Variants in RAPGEF2 observed in about 807,000 individuals in gnomAD.
RAPGEF2 encodes the protein PDZ domain containing guanine nucleotide exchange factor (GEF) 1.
RAPGEF2 carries 54 observed loss-of-function variants against 186.7 expected under a neutral mutation model. That is an observed-to-expected ratio of 0.29 (90% confidence interval 0.23 to 0.36). The LOEUF (loss-of-function observed/expected upper bound fraction) is 0.36, where lower values mean the gene tolerates loss of function less well. Ranked by LOEUF, RAPGEF2 falls within the 10% of genes least tolerant of loss-of-function variation. The pLI is 1.00. For synonymous variants in RAPGEF2, 712 were observed against 705.9 expected (o/e 1.01, Z -0.14); for missense variants, 1,532 against 2,045.0 (o/e 0.75, Z 4.84).
chr4:159,202,442 C>T (rs1157301686), intron 3 of RAPGEF2, among the ~76,000 whole-genome samples: 2 of 152,146 alleles, frequency 1.3e-5, no homozygotes, highest in Admixed American at 1.3e-4. Flanking sequence ...GAAAACCCCC[C>T]AAAACTTAGA....
intron 7 of RAPGEF2, among the ~76,000 whole-genome samples, chr4:159,292,579 C>T (rs2110967217): frequency 6.6e-6 from 1 of 152,264 alleles, no homozygotes; most frequent in Middle Eastern, 3.4e-3. Context: ...GTTTTGAGTA[C>T]ATCCACCCTT....
At chr4:159,291,410 C>T (rs189333490) in intron 7 of RAPGEF2, among the ~76,000 whole-genome samples, 4 of 152,294 alleles carry the variant, frequency 2.6e-5, no homozygotes, top group African/African-American at 7.2e-5. Context: ...ATCCTCCCAC[C>T]TCAGCCTCCT....
At chr4:159,260,556 A>G (rs930507570) in intron 7 of RAPGEF2, among the ~76,000 whole-genome samples, 2 of 152,096 alleles carry the variant, frequency 1.3e-5, no homozygotes, top group African/African-American at 4.8e-5. Flanking sequence ...TGGCTGAACT[A>G]CTTAATGCAG....
intron 9 of RAPGEF2, among the ~76,000 whole-genome samples, chr4:159,316,724 G>C (rs1764654664): frequency 6.6e-6 from 1 of 152,128 alleles, no homozygotes. Flanking sequence ...TCATTGATGG[G>C]AATTTAGGTT....
chr4:159,345,029 T>G, intron 23 of RAPGEF2, 77 bp from the exon 24 acceptor site: 1 of 1,174,388 alleles, frequency 8.5e-7, no homozygotes, highest in Admixed American at 1.8e-5. Flanking sequence ...ACTATTAATA[T>G]CAGTCTTGGC....
chr4:159,303,862 A>G (rs1033373055), intron 7 of RAPGEF2, among the ~76,000 whole-genome samples: 14 of 152,292 alleles, frequency 9.2e-5, no homozygotes, highest in African/African-American at 2.6e-4. Flanking sequence ...AGAGCCTAGT[A>G]CAGTTGCTTA....
At chr4:159,126,524 C>G (rs1740314950) in intron 1 of RAPGEF2, among the ~76,000 whole-genome samples, 1 of 144,148 alleles carries the variant, frequency 6.9e-6, no homozygotes, top group Non-Finnish European at 1.5e-5. Context: ...ATCTCCTGTC[C>G]AGGTTTTAAA....
intron 4 of RAPGEF2, among the ~76,000 whole-genome samples, chr4:159,213,407 C>T (rs943742265): frequency 2.6e-5 from 4 of 152,330 alleles, no homozygotes; most frequent in East Asian, 3.9e-4. Flanking sequence ...AATTGGTTAT[C>T]AGTATATAAT....
intron 17 of RAPGEF2, 112 bp from the exon 18 acceptor site, chr4:159,338,199 C>G: frequency 5.5e-6 from 5 of 912,338 alleles, no homozygotes; most frequent in Non-Finnish European, 7.9e-6. Context: ...GGTGTTTTTA[C>G]ATGAGCTGCA....
At chr4:159,216,407 G>A (rs1750997938) in intron 4 of RAPGEF2, among the ~76,000 whole-genome samples, 1 of 152,084 alleles carries the variant, frequency 6.6e-6, no homozygotes, top group Non-Finnish European at 1.5e-5. Context: ...GGCTTTTAAG[G>A]GGGTATTTTC....
intron 25 of RAPGEF2, among the ~76,000 whole-genome samples, chr4:159,348,266 G>A (rs572641152): frequency 6.6e-6 from 1 of 151,154 alleles, no homozygotes; most frequent in African/African-American, 2.5e-5. Context: ...ATGGATGGAT[G>A]GATGGATGGA....
chr4:159,184,875 G>A (rs1261309796), intron 1 of RAPGEF2, among the ~76,000 whole-genome samples: 2 of 152,022 alleles, frequency 1.3e-5, no homozygotes, highest in Non-Finnish European at 2.9e-5. Flanking sequence ...TATGGTTTTA[G>A]GTCTAACATT....
At position 159,314,594 on chromosome 4, in the gene RAPGEF2, A is replaced by G. The variant is rs1003371955; in HGVS notation, c.679A>G (p.Thr227Ala). The G allele has an allele frequency of 7.5e-6, 12 of 1,606,462 alleles. No individual in the cohort carries two copies. Among genetic ancestry groups the G allele is most frequent in the Non-Finnish European group, 1.0e-5 (12 of 1,178,162 alleles). The change falls in exon 9 of 30, where the codon ACA becomes GCA. Residue 227 changes from threonine to alanine, a missense_variant. Coordinates refer to ENST00000691494, the MANE Select transcript of RAPGEF2 (RefSeq NM_001394067.2). ...ATTTTTGTGTGTGTGTCTTAAGGCC[A>G]CAGAAAGCGAGGCTGGTGATATGGA... ...SSSLSDIYQA[T>A]ESEAGDMDLS...
At chr4:159,131,213 C>G (rs145532592) in intron 1 of RAPGEF2, among the ~76,000 whole-genome samples, 3 of 152,102 alleles carry the variant, frequency 2.0e-5, no homozygotes, top group Non-Finnish European at 4.4e-5. Flanking sequence ...TAGGTTCAAG[C>G]GATTCTGCTG....
intron 26 of RAPGEF2, among the ~76,000 whole-genome samples, chr4:159,351,809 G>T (rs977651240): frequency 2.1e-4 from 32 of 152,004 alleles, no homozygotes; most frequent in African/African-American, 7.7e-4. Flanking sequence ...AAATTAGCCA[G>T]ACATGGTGGC....
At chr4:159,305,119 T>C (rs150914612) in intron 8 of RAPGEF2, among the ~76,000 whole-genome samples, 37 of 152,348 alleles carry the variant, frequency 2.4e-4, no homozygotes, top group East Asian at 1.5e-3. Flanking sequence ...TTTGCTATTG[T>C]GAATAGTGCT....
chr4:159,125,867 G>A (rs755286992), intron 1 of RAPGEF2, among the ~76,000 whole-genome samples: 4 of 152,142 alleles, frequency 2.6e-5, no homozygotes, highest in Non-Finnish European at 5.9e-5. Flanking sequence ...GTTGTTAGAT[G>A]TGAAATTACT....
intron 4 of RAPGEF2, among the ~76,000 whole-genome samples, chr4:159,217,216 G>A (rs949909603): frequency 6.6e-6 from 1 of 152,076 alleles, no homozygotes; most frequent in Non-Finnish European, 1.5e-5. Context: ...GTGCAGGTTT[G>A]TTACAAGGGT....
At chr4:159,330,147 T>C in intron 12 of RAPGEF2, 137 bp downstream of exon 12, 4 of 901,666 alleles carry the variant, frequency 4.4e-6, no homozygotes, top group Non-Finnish European at 5.0e-6. Flanking sequence ...ATGTATGATC[T>C]CCTAGTGAAT....
Sources: allele counts gnomAD v4.1 joint callset (sites outside exome capture counted in the v4.1 genomes callset), GRCh38; gene constraint gnomAD v4.1.1; transcripts MANE v1.5; gene names NCBI Gene and HGNC (gene_info 2026-07-23, HGNC 2026-07-21).